The following CASK variants were observed in gnomAD, a reference collection of about 807,000 sequenced individuals.
CASK encodes peripheral plasma membrane protein CASK.
A neutral mutation model predicts 82.9 loss-of-function variants in CASK; 4 were observed. The observed-to-expected ratio is 0.05, with a 90% CI of 0.02 to 0.11. The LOEUF (loss-of-function observed/expected upper bound fraction) is 0.11, where lower values mean the gene tolerates loss of function less well. Among genes scored for constraint, CASK ranks in the 10% least tolerant of loss-of-function variants. CASK has a pLI of 1.00. For synonymous variants in CASK, 259 were observed against 253.5 expected (o/e 1.02, Z -0.20); for missense variants, 358 against 720.9 (o/e 0.50, Z 5.76).
chrX:41,783,851 A>AT (rs2069531313), intron 3 of CASK, among the ~76,000 whole-genome samples: 1 of 112,050 alleles, frequency 8.9e-6, no homozygotes, highest in Non-Finnish European at 1.9e-5. Flanking sequence ...AATCTTTCAA[A>AT]TAACTGTGGA....
chrX:41,783,200 TAAAC>T (rs772849118), intron 3 of CASK, among the ~76,000 whole-genome samples: 4 of 111,363 alleles, frequency 3.6e-5, no homozygotes, highest in Non-Finnish European at 5.7e-5. Flanking sequence ...TCTCAGAAAA[TAAAC>T]ATACAGACAG....
chrX:41,854,544 C>T (rs1034888040), intron 1 of CASK, among the ~76,000 whole-genome samples: 16 of 112,522 alleles, frequency 1.4e-4, no homozygotes, highest in African/African-American at 4.8e-4. Flanking sequence ...GATGCATGTG[C>T]TCAATTAGCA....
intron 22 of CASK, among the ~76,000 whole-genome samples, chrX:41,536,798 G>A (rs760803400): frequency 9.0e-5 from 10 of 111,471 alleles, no homozygotes; most frequent in African/African-American, 1.3e-4. Context: ...AAATGAACAT[G>A]AGGCTCTCTG....
chrX:41,523,982 G>A lies in CASK; in HGVS notation c.2573C>T (p.Ala858Val). ...TAAACCTGGAGTAATAGTTGGTGCA[G>A]CAATGAAAACAACAAAAGGAGCAAA... ...AEFAPFVVFI[A>V]APTITPGLNE... The change falls in exon 26 of 27, where the codon GCT (alanine) becomes GTT (valine). Residue 858 changes from alanine (A) to valine (V), a missense_variant. Transcript: ENST00000378163. 5 of 1,200,688 alleles carry A rather than the reference G, an allele frequency of 4.2e-6. No individual in the cohort carries two copies. Among genetic ancestry groups the A allele is most frequent in the Non-Finnish European group, 5.6e-6 (5 of 887,455 alleles).
chrX:41,643,238 G>T (rs1390685548), intron 8 of CASK, among the ~76,000 whole-genome samples: 1 of 111,864 alleles, frequency 8.9e-6, no homozygotes, highest in Non-Finnish European at 1.9e-5. Context: ...GCTTAGGATT[G>T]ATTGTCTTGG....
intron 3 of CASK, among the ~76,000 whole-genome samples, chrX:41,758,413 T>C (rs138810857): frequency 0.034 from 3,071 of 90,271 alleles, 72 homozygotes; most frequent in Admixed American, 0.099. Flanking sequence ...CCAGCCTGGG[T>C]GACAAGAGCG....
intron 8 of CASK, 129 bp from the exon 9 acceptor site, chrX:41,636,790 A>G: frequency 2.1e-6 from 1 of 475,958 alleles, no homozygotes. Flanking sequence ...TGGAGATTTT[A>G]TTCCATGATA....
chrX:41,579,318 T>A (rs971632765), intron 14 of CASK, among the ~76,000 whole-genome samples: 1 of 112,272 alleles, frequency 8.9e-6, no homozygotes, highest in African/African-American at 3.2e-5. Context: ...ATATGTTAAA[T>A]TTTTTTGTTC....
intron 5 of CASK, among the ~76,000 whole-genome samples, chrX:41,725,266 GTTA>G (rs760607185): frequency 1.6e-4 from 18 of 111,623 alleles, no homozygotes; most frequent in Non-Finnish European, 2.8e-4. Context: ...GGTTTAAAAA[GTTA>G]TTATAAAATT....
chrX:41,813,729 A>C (rs1056669928), intron 2 of CASK, among the ~76,000 whole-genome samples: 2 of 112,094 alleles, frequency 1.8e-5, no homozygotes, highest in African/African-American at 6.5e-5. Flanking sequence ...AACAAATGCC[A>C]AAATTGACAA....
chrX:41,861,931 T>A (rs1445612037), intron 1 of CASK, among the ~76,000 whole-genome samples: 1 of 103,227 alleles, frequency 9.7e-6, no homozygotes, highest in Non-Finnish European at 1.9e-5. Flanking sequence ...GTATATATAC[T>A]ATATATACTA....
intron 2 of CASK, among the ~76,000 whole-genome samples, chrX:41,845,306 A>C (rs1412078186): frequency 9.0e-6 from 1 of 111,558 alleles, no homozygotes; most frequent in Non-Finnish European, 1.9e-5. Context: ...TTATTGCTGA[A>C]TTCTCTATTT....
chrX:41,723,357 A>G (rs1349944997), intron 5 of CASK, among the ~76,000 whole-genome samples: 2 of 112,216 alleles, frequency 1.8e-5, no homozygotes, highest in East Asian at 5.6e-4. Flanking sequence ...CTTAGCTTTC[A>G]TTTAGTTAGT....
intron 12 of CASK, among the ~76,000 whole-genome samples, chrX:41,607,857 C>T (rs929363183): frequency 1.3e-4 from 15 of 111,962 alleles, no homozygotes; most frequent in East Asian, 2.8e-4. Context: ...CTCTGAATGA[C>T]GGTGTGGAAA....
chrX:41,676,419 T>G, intron 5 of CASK: 1 of 1,198,284 alleles, frequency 8.3e-7, no homozygotes, highest in Admixed American at 2.2e-5. Context: ...ACAGACTTCA[T>G]GCAGGCTGCC....
intron 2 of CASK, among the ~76,000 whole-genome samples, chrX:41,851,953 C>T (rs184408702): frequency 9.0e-6 from 1 of 110,999 alleles, no homozygotes; most frequent in Non-Finnish European, 1.9e-5. Flanking sequence ...TTGTTCTAAA[C>T]CCCACTTAAA....
intron 26 of CASK, among the ~76,000 whole-genome samples, chrX:41,520,978 C>A (rs1424628827): frequency 1.8e-5 from 2 of 111,858 alleles, no homozygotes; most frequent in Non-Finnish European, 3.8e-5. Flanking sequence ...AAGCCCCCCG[C>A]CCTAGCCTCA....
intron 1 of CASK, among the ~76,000 whole-genome samples, chrX:41,895,444 C>T (rs1303202533): frequency 1.8e-5 from 2 of 111,324 alleles, no homozygotes; most frequent in Non-Finnish European, 3.8e-5. Flanking sequence ...CTGGTTCCTG[C>T]CCTTGACAAG....
intron 1 of CASK, among the ~76,000 whole-genome samples, chrX:41,911,702 C>A (rs1220222454): frequency 8.9e-6 from 1 of 111,757 alleles, no homozygotes; most frequent in African/African-American, 3.3e-5. Context: ...ATTAATTAAT[C>A]TGTCAATTGT....
Sources: allele counts gnomAD v4.1 joint callset (sites outside exome capture counted in the v4.1 genomes callset), GRCh38; gene constraint gnomAD v4.1.1; transcripts MANE v1.5; gene names NCBI Gene and HGNC (gene_info 2026-07-23, HGNC 2026-07-21).